Variants in MSH3 observed in about 807,000 individuals in gnomAD.
MSH3 encodes DNA mismatch repair protein Msh3.
MSH3 carries 106 observed loss-of-function variants against 123.3 expected under a neutral mutation model. That is an observed-to-expected ratio of 0.86 (90% confidence interval 0.73 to 1.01). The LOEUF (loss-of-function observed/expected upper bound fraction) is 1.01, where lower values mean the gene tolerates loss of function less well. Among genes scored for constraint, MSH3 ranks in the 50% least tolerant of loss-of-function variants. MSH3 has a pLI of 0.00. For missense variants in MSH3, 1,459 were observed against 1,347.6 expected (o/e 1.08, Z -1.29); for synonymous variants, 515 against 481.4 (o/e 1.07, Z -0.91).
At chr5:80,785,630 C>G (rs1355763007) in intron 17 of MSH3, among the ~76,000 whole-genome samples, 1 of 152,196 alleles carries the variant, frequency 6.6e-6, no homozygotes. Flanking sequence ...ACCCAGCCAT[C>G]CCATTACTGG....
intron 10 of MSH3, among the ~76,000 whole-genome samples, chr5:80,738,703 C>G (rs1298954497): frequency 6.6e-6 from 1 of 152,082 alleles, no homozygotes; most frequent in African/African-American, 2.4e-5. Context: ...TTAGGAAAGG[C>G]TGCTAGATTG....
intron 12 of MSH3, chr5:80,746,321 C>T (rs779607815): frequency 2.3e-5 from 8 of 342,442 alleles, no homozygotes; most frequent in Admixed American, 8.1e-5. Context: ...TACAGTGTGA[C>T]GGCGTCAAGG....
intron 19 of MSH3, among the ~76,000 whole-genome samples, chr5:80,808,330 G>A (rs1002898049): frequency 1.6e-4 from 24 of 152,072 alleles, no homozygotes; most frequent in African/African-American, 4.8e-4. Flanking sequence ...CCTTTTTATT[G>A]TTATGTTTTT....
chr5:80,837,528 A>G (rs1408800895), intron 20 of MSH3, among the ~76,000 whole-genome samples: 1 of 152,200 alleles, frequency 6.6e-6, no homozygotes, highest in Non-Finnish European at 1.5e-5. Context: ...CAGTGAGCCA[A>G]GATCGTACCA....
intron 20 of MSH3, among the ~76,000 whole-genome samples, chr5:80,837,947 C>A (rs1366233183): frequency 2.6e-5 from 4 of 152,120 alleles, no homozygotes; most frequent in Non-Finnish European, 5.9e-5. Context: ...CAGCTTCTTG[C>A]CAGCTGTAGG....
chr5:80,773,954 G>A (rs1297884047), intron 15 of MSH3, among the ~76,000 whole-genome samples: 3 of 152,088 alleles, frequency 2.0e-5, no homozygotes, highest in Non-Finnish European at 4.4e-5. Context: ...TATTAGTAGA[G>A]ATGGGGTTTC....
intron 19 of MSH3, among the ~76,000 whole-genome samples, chr5:80,807,576 G>T (rs539514737): frequency 1.3e-5 from 2 of 152,144 alleles, no homozygotes; most frequent in African/African-American, 4.8e-5. Flanking sequence ...TAATACGTGC[G>T]GCAGATTTGT....
intron 6 of MSH3, 106 bp from the exon 7 acceptor site, chr5:80,674,877 G>A: frequency 9.8e-7 from 1 of 1,024,196 alleles, no homozygotes; most frequent in Non-Finnish European, 1.5e-6. Context: ...ACTGCGCCTG[G>A]CTGTGAACCA....
Position 80,725,470 on chromosome 5 carries a change from T to A in MSH3, c.1358T>A (p.Ile453Asn), listed in dbSNP as rs1743269142. The change falls in exon 9 of 24, where the codon ATT (isoleucine) becomes AAT (asparagine). Residue 453 changes from isoleucine to asparagine, a missense_variant. Physicochemically the swap from Ile to Asn is moderately radical, Grantham distance 149. Transcript: ENST00000265081. ...ATSVSVQDDR[I>N]RVERMDNIYF... ...TCTTTCAGTGTGCAGGATGACAGAA[T>A]TCGAGTCGAAAGGATGGATAACATT... 6.2e-7 allele frequency: 1 copy of A among 1,613,746 alleles called. No individual in the cohort carries two copies. Among genetic ancestry groups the A allele is most frequent in the South Asian group, 1.1e-5 (1 of 91,062 alleles).
intron 17 of MSH3, among the ~76,000 whole-genome samples, chr5:80,781,587 C>G (rs1212907864): frequency 6.6e-6 from 1 of 152,040 alleles, no homozygotes; most frequent in Admixed American, 6.5e-5. Flanking sequence ...TCCACCTCAG[C>G]CCCCTAGTAG....
At chr5:80,759,373 C>T (rs527735193) in intron 12 of MSH3, among the ~76,000 whole-genome samples, 14 of 152,230 alleles carry the variant, frequency 9.2e-5, no homozygotes, top group African/African-American at 2.9e-4. Context: ...GTTCGCCAGA[C>T]GAAGTGTAGC....
Position 80,744,514 on chromosome 5 carries a change from G to A in MSH3, c.1662G>A (p.Met554Ile), listed in dbSNP as rs2112868841. 1 of 1,612,798 alleles carries A rather than the reference G, an allele frequency of 6.2e-7. No homozygotes were observed. The highest frequency in any genetic ancestry group is 8.5e-7 in the Non-Finnish European group (1 of 1,179,174). Residue 554 changes from methionine to isoleucine, a missense_variant, in exon 12 of 24, where the codon ATG becomes ATA. By Grantham distance (10) the Met-to-Ile change is conservative. Coordinates refer to ENST00000265081, the MANE Select transcript of MSH3 (RefSeq NM_002439.5). ...TTTCTGGTCTTTCTTAGACTGATAT[G>A]AAAACCAAAGGAAGTTTGCTGTGGG... is the stretch of plus-strand genomic sequence containing the variant. ...NLEILQNQTD[M>I]KTKGSLLWVL...
At chr5:80,860,089 C>T (rs1402610427) in intron 21 of MSH3, among the ~76,000 whole-genome samples, 1 of 142,000 alleles carries the variant, frequency 7.0e-6, no homozygotes, top group South Asian at 2.3e-4. Context: ...ATTTATTTCA[C>T]TTATACTTAA....
intron 17 of MSH3, among the ~76,000 whole-genome samples, chr5:80,782,488 A>G (rs1431472708): frequency 6.6e-6 from 1 of 152,210 alleles, no homozygotes; most frequent in Non-Finnish European, 1.5e-5. Flanking sequence ...CATAGGTTAT[A>G]TACAAGTACT....
In MSH3 at chr5:80,824,449, C is replaced by T. The variant is rs528746568; in HGVS notation, c.2813+10708C>T. 1.6e-4 allele frequency among the ~76,000 whole-genome samples: 25 copies of T among 152,220 alleles called. No homozygotes were observed. In the South Asian group the frequency reaches 4.8e-3, roughly 29 times the overall value. ...GGCTGGCCGGGCGGGGGCTGCCCCC[C>T]ACCTCCCTCCCAGAAATCTTAAGTT... On this transcript the variant is annotated intron_variant, in intron 20 of 23. Coordinates refer to ENST00000265081, the MANE Select transcript of MSH3 (RefSeq NM_002439.5).
intron 20 of MSH3, among the ~76,000 whole-genome samples, chr5:80,846,626 T>C (rs1406187317): frequency 6.6e-6 from 1 of 152,200 alleles, no homozygotes; most frequent in Non-Finnish European, 1.5e-5. Flanking sequence ...CAATGGCAGA[T>C]GCCCCTCCCC....
intron 10 of MSH3, among the ~76,000 whole-genome samples, chr5:80,738,331 CT>C (rs760488139): frequency 7.6e-4 from 115 of 152,316 alleles, no homozygotes; most frequent in Non-Finnish European, 1.4e-3. Flanking sequence ...CATGTAAACT[CT>C]TCTCTAGCTC....
chr5:80,759,559 A>T (rs1245321934), intron 12 of MSH3, among the ~76,000 whole-genome samples: 3 of 152,198 alleles, frequency 2.0e-5, no homozygotes, highest in Non-Finnish European at 4.4e-5. Flanking sequence ...CCAAGAGCTA[A>T]ACAGGCATCA....
intron 19 of MSH3, among the ~76,000 whole-genome samples, chr5:80,809,061 G>A (rs980389655): frequency 2.6e-5 from 4 of 151,328 alleles, no homozygotes; most frequent in African/African-American, 9.7e-5. Flanking sequence ...ATAGGGCATT[G>A]GGACTTCATG....
Sources: gnomAD v4.1 joint callset for allele counts (sites outside exome capture counted in the v4.1 genomes callset) on GRCh38, gnomAD v4.1.1 for gene constraint, MANE v1.5 for transcripts, NCBI Gene and HGNC (gene_info 2026-07-23, HGNC 2026-07-21) for gene names.